Variants in LDAH observed in about 807,000 individuals in gnomAD.
LDAH encodes lipid droplet associated hydrolase.
LDAH carries 26 observed loss-of-function variants against 29.6 expected under a neutral mutation model. The observed-to-expected ratio is 0.88, with a 90% CI of 0.64 to 1.22. LDAH has a LOEUF of 1.22. Ranked by LOEUF, LDAH falls within the 50% of genes most tolerant of loss-of-function variation. LDAH has a pLI of 0.00. For missense variants in LDAH, 344 were observed against 387.3 expected, an observed-to-expected ratio of 0.89 and a Z score of 0.94; for synonymous variants, 117 against 133.0, an observed-to-expected ratio of 0.88 and a Z score of 0.83.
At chr2:20,745,536 C>A (rs1433918192) in intron 4 of LDAH, among the ~76,000 whole-genome samples, 2 of 152,102 alleles carry the variant, frequency 1.3e-5, no homozygotes, top group Non-Finnish European at 2.9e-5. Flanking sequence ...CTTATCACAA[C>A]AAAAGATAAG....
chr2:20,776,164 G>A (rs550402704), intron 3 of LDAH, among the ~76,000 whole-genome samples: 2 of 152,214 alleles, frequency 1.3e-5, no homozygotes, highest in East Asian at 1.9e-4. Flanking sequence ...AATTACAGTC[G>A]GTATGGCTCA....
chr2:20,813,617 T>C (rs143088792), intron 1 of LDAH, among the ~76,000 whole-genome samples: 2 of 152,312 alleles, frequency 1.3e-5, no homozygotes, highest in African/African-American at 4.8e-5. Flanking sequence ...GATTGCCAAG[T>C]GTGAAATTAC....
chr2:20,817,846 C>T (rs1004628787), intron 1 of LDAH, among the ~76,000 whole-genome samples: 2 of 152,158 alleles, frequency 1.3e-5, no homozygotes, highest in Non-Finnish European at 2.9e-5. Context: ...ATGACAGATA[C>T]ACACAATTTG....
At chr2:20,689,528 C>T (rs1256559491) in intron 6 of LDAH, among the ~76,000 whole-genome samples, 5 of 152,292 alleles carry the variant, frequency 3.3e-5, no homozygotes, top group Non-Finnish European at 7.4e-5. Flanking sequence ...TAGAAAAACA[C>T]GTTTCCCCGG....
rs1397739504 is a variant in LDAH, at chr2:20,807,035, C to T, written c.-2-5570G>A. Among the ~76,000 whole-genome samples, 4 of 151,968 alleles carry T rather than the reference C, an allele frequency of 2.6e-5. No individual in the cohort carries two copies. In the East Asian group the frequency reaches 7.7e-4, roughly 29 times the overall value. ...CACCTATAAATAAGTAAACCCTTGA[C>T]TTCTCAAGAAAAGAGATGGTACAAT... On this transcript the variant is annotated intron_variant, in intron 1 of 6. Coordinates refer to ENST00000237822, the MANE Select transcript of LDAH (RefSeq NM_021925.4).
At chr2:20,767,406 T>C (rs529113391) in intron 4 of LDAH, among the ~76,000 whole-genome samples, 2 of 152,332 alleles carry the variant, frequency 1.3e-5, no homozygotes, top group East Asian at 3.9e-4. Flanking sequence ...CTGGTCACTG[T>C]CACAGCCCGG....
intron 2 of LDAH, among the ~76,000 whole-genome samples, chr2:20,795,762 TACTA>T (rs1233519461): frequency 1.3e-5 from 2 of 152,090 alleles, no homozygotes; most frequent in Non-Finnish European, 2.9e-5. Flanking sequence ...CAATTATCAT[TACTA>T]ACTTAGAAGT....
chr2:20,693,428 G>T (rs1350302556), intron 6 of LDAH, among the ~76,000 whole-genome samples: 1 of 152,168 alleles, frequency 6.6e-6, no homozygotes, highest in South Asian at 2.1e-4. Context: ...AAACAAAGTT[G>T]TTTTACCATA....
chr2:20,706,921 T>G (rs1341047581), intron 5 of LDAH, among the ~76,000 whole-genome samples: 1 of 152,234 alleles, frequency 6.6e-6, no homozygotes, highest in Admixed American at 6.5e-5. Context: ...AGTGCATTAA[T>G]TGTTTTTTAT....
rs114196820 is a variant in LDAH, at chr2:20,766,115, G to A, written c.468+8695C>T. 1.1e-3 allele frequency among the ~76,000 whole-genome samples: 166 copies of A among 150,450 alleles called. 2 individuals are homozygous for A. Among genetic ancestry groups the A allele is most frequent in the African/African-American group, 4.0e-3 (162 of 40,864 alleles). On this transcript the variant is annotated intron_variant, in intron 4 of 6. Coordinates refer to ENST00000237822, the MANE Select transcript of LDAH (RefSeq NM_021925.4). ...TTAACTCACAGTAAGATATACATTC[G>A]ACATTATAATCTACTATGTTATCAA... is the stretch of plus-strand genomic sequence containing the variant.
chr2:20,758,520 T>A (rs919913373), intron 4 of LDAH, among the ~76,000 whole-genome samples: 2 of 152,214 alleles, frequency 1.3e-5, no homozygotes, highest in Non-Finnish European at 2.9e-5. Context: ...AAAGAGTTAC[T>A]GTATGCAGAT....
At chr2:20,687,790 CT>C (rs1662676516) in intron 6 of LDAH, among the ~76,000 whole-genome samples, 1 of 152,212 alleles carries the variant, frequency 6.6e-6, no homozygotes, top group African/African-American at 2.4e-5. Flanking sequence ...CTCTAGGCTG[CT>C]GTGTTTCACT....
At chr2:20,812,980 C>T (rs148973672) in intron 1 of LDAH, among the ~76,000 whole-genome samples, 159 of 152,302 alleles carry the variant, frequency 1.0e-3, no homozygotes, top group African/African-American at 3.7e-3. Context: ...AAAGACATTA[C>T]GCAATTTGCC....
At chr2:20,795,001 C>T (rs1671215409) in intron 2 of LDAH, among the ~76,000 whole-genome samples, 1 of 152,098 alleles carries the variant, frequency 6.6e-6, no homozygotes, top group Admixed American at 6.6e-5. Flanking sequence ...ATTAAAAGGC[C>T]TACACTTATG....
At position 20,774,813 on chromosome 2, in the gene LDAH, G is replaced by A; in HGVS notation, c.465C>T (p.Leu155=). ...TTACCTCTGGAGACCTACTTACCGG[G>A]AGCTCAGGGACTCGCTTCAGCATCT... The part of the protein sequence containing the change: ...TLQMLKRVPE[L]PVIRAFLLFP... Residue 155 remains leucine (L), a synonymous_variant, in exon 4 of 7, where the codon CTC becomes CTT. Coordinates refer to ENST00000237822, the MANE Select transcript of LDAH (RefSeq NM_021925.4). 6.2e-7 allele frequency: 1 copy of A among 1,612,690 alleles called. No homozygotes were observed. Among genetic ancestry groups the A allele is most frequent in the Non-Finnish European group, 8.5e-7 (1 of 1,179,900 alleles).
At chr2:20,754,467 G>T (rs1668180756) in intron 4 of LDAH, among the ~76,000 whole-genome samples, 4 of 137,120 alleles carry the variant, frequency 2.9e-5, no homozygotes, top group African/African-American at 1.2e-4. Context: ...CTCCAGTCTG[G>T]GTGACAGAGC....
chr2:20,685,440 T>G lies in LDAH; in HGVS notation c.*1463A>C. On this transcript the variant is annotated 3_prime_UTR_variant, in exon 7 of 7. Transcript: ENST00000237822. ...CCTATGTATCTATTAGCTCTTCCCCTTGGGCTAACAGCACTCCTTGTCTGG... is the reference window on the plus strand; with the variant it reads ...CCTATGTATCTATTAGCTCTTCCCCGTGGGCTAACAGCACTCCTTGTCTGG... 7.0e-7 allele frequency: 1 copy of G among 1,418,510 alleles called. No individual in the cohort carries two copies. Among genetic ancestry groups the G allele is most frequent in the South Asian group, 1.4e-5 (1 of 71,150 alleles). The allele number at this position is 1,418,510 out of a possible 1,614,324, so 87.9% of individuals were successfully genotyped here.
At chr2:20,788,021 C>T (rs1670677453) in intron 3 of LDAH, among the ~76,000 whole-genome samples, 1 of 152,148 alleles carries the variant, frequency 6.6e-6, no homozygotes, top group Admixed American at 6.5e-5. Flanking sequence ...CATAATTAAA[C>T]CATTATGAAG....
chr2:20,773,206 CA>C (rs1395589037), intron 4 of LDAH, among the ~76,000 whole-genome samples: 2 of 151,646 alleles, frequency 1.3e-5, no homozygotes, highest in Admixed American at 1.3e-4. Context: ...TAATTCCTCA[CA>C]AAAATACTTT....
Sources: gnomAD v4.1 joint callset for allele counts (sites outside exome capture counted in the v4.1 genomes callset) on GRCh38, gnomAD v4.1.1 for gene constraint, MANE v1.5 for transcripts, NCBI Gene and HGNC (gene_info 2026-07-23, HGNC 2026-07-21) for gene names.